Variants in KCNE3 observed in about 807,000 individuals in gnomAD.
The protein encoded by KCNE3 is potassium voltage-gated channel subfamily E regulatory subunit 3.
KCNE3 carries 2 observed loss-of-function variants against 4.3 expected under a neutral mutation model. That is an observed-to-expected ratio of 0.47 (90% CI 0.19 to 1.48). The LOEUF is 1.48. KCNE3 is among the 40% of genes most tolerant of loss of function. The pLI, the probability that KCNE3 is intolerant of heterozygous loss-of-function variation, is 0.25. For missense variants in KCNE3, 128 were observed against 136.8 expected (o/e 0.94, Z 0.32); for synonymous variants, 47 against 52.0 (o/e 0.90, Z 0.41).
intron 2 of KCNE3, among the ~76,000 whole-genome samples, chr11:74,459,751 C>T (rs1863909628): frequency 6.6e-6 from 1 of 152,144 alleles, no homozygotes; most frequent in Admixed American, 6.5e-5. Context: ...TGGCTGTCCT[C>T]TTGTTTTTGA....
intron 2 of KCNE3, among the ~76,000 whole-genome samples, chr11:74,459,118 C>G (rs1033754145): frequency 1.3e-5 from 2 of 152,108 alleles, no homozygotes; most frequent in African/African-American, 4.8e-5. Context: ...TTGGGGTTTA[C>G]CTGCCCACAA....
intron 2 of KCNE3, among the ~76,000 whole-genome samples, chr11:74,461,671 T>A (rs1217843767): frequency 6.6e-6 from 1 of 151,862 alleles, no homozygotes; most frequent in African/African-American, 2.4e-5. Context: ...AGAAAGATGA[T>A]CATCCTTTCC....
chr11:74,465,413 G>T (rs1222010979), intron 1 of KCNE3, among the ~76,000 whole-genome samples: 1 of 152,206 alleles, frequency 6.6e-6, no homozygotes, highest in Non-Finnish European at 1.5e-5. Context: ...TCTCAGTCAG[G>T]TGGGGTGAGT....
chr11:74,460,338 C>T (rs1339730499), intron 2 of KCNE3, among the ~76,000 whole-genome samples: 1 of 152,208 alleles, frequency 6.6e-6, no homozygotes, highest in Non-Finnish European at 1.5e-5. Flanking sequence ...AAATAAATAA[C>T]TCAAAAAATA....
intron 2 of KCNE3, among the ~76,000 whole-genome samples, chr11:74,461,381 G>A (rs183531535): frequency 1.9e-3 from 292 of 151,668 alleles, no homozygotes; most frequent in African/African-American, 6.8e-3. Context: ...CTTTAATCCC[G>A]GTACTTTGGG....
chr11:74,464,616 C>A (rs1375480309), intron 1 of KCNE3, among the ~76,000 whole-genome samples: 3 of 152,172 alleles, frequency 2.0e-5, no homozygotes, highest in African/African-American at 7.2e-5. Context: ...CCAAGGGAAT[C>A]ACCTGCTTAA....
intron 2 of KCNE3, among the ~76,000 whole-genome samples, chr11:74,460,271 A>C (rs1160890801): frequency 6.6e-6 from 1 of 152,210 alleles, no homozygotes; most frequent in Non-Finnish European, 1.5e-5. Context: ...TCAGGCAAGA[A>C]CTCTGTGGCT....
At chr11:74,463,727 C>T (rs1017441479) in intron 1 of KCNE3, among the ~76,000 whole-genome samples, 1 of 152,122 alleles carries the variant, frequency 6.6e-6, no homozygotes, top group Non-Finnish European at 1.5e-5. Context: ...AACTGAGGCT[C>T]AGAAGGGAGA....
At chr11:74,463,520 T>C (rs976365109) in intron 1 of KCNE3, among the ~76,000 whole-genome samples, 4 of 152,084 alleles carry the variant, frequency 2.6e-5, no homozygotes, top group Non-Finnish European at 5.9e-5. Flanking sequence ...CTCCTTGGCT[T>C]CCCTGTCCAG....
Position 74,454,979 on chromosome 11 carries a change from G to A in KCNE3, c.*2273C>T, listed in dbSNP as rs1863777503. ...CACCTTCTCCCTCAAGAAGAGATGA[G>A]GAAGGGCTTGAGCAACAGGGCTCAG... is the stretch of plus-strand genomic sequence containing the variant. On this transcript the variant is annotated 3_prime_UTR_variant, in exon 3 of 3. Coordinates refer to ENST00000310128, the MANE Select transcript of KCNE3 (RefSeq NM_005472.5). 6.6e-6 allele frequency: 1 copy of A among 152,172 alleles called. No individual in the cohort carries two copies. Among genetic ancestry groups the A allele is most frequent in the South Asian group, 2.1e-4 (1 of 4,830 alleles). 9.4% of individuals were successfully genotyped at this position (152,172 alleles called of 1,614,324 possible). A position where few individuals can be genotyped will look rare whatever the true frequency, so the allele number is the denominator to read the frequency against.
At chr11:74,466,368 G>A (rs1008423909) in intron 1 of KCNE3, among the ~76,000 whole-genome samples, 4 of 152,188 alleles carry the variant, frequency 2.6e-5, no homozygotes, top group African/African-American at 9.7e-5. Flanking sequence ...AAGGAGTCAA[G>A]AAAATCTGAA....
In KCNE3 at chr11:74,455,819, C is replaced by T. The variant is rs930530380; in HGVS notation, c.*1433G>A. The T allele has an allele frequency of 6.6e-6, 1 of 151,828 alleles. No individual in the cohort carries two copies. The highest frequency in any genetic ancestry group is 2.4e-5 in the African/African-American group (1 of 41,344). The allele number at this position is 151,828 out of a possible 1,614,324, so 9.4% of individuals were successfully genotyped here. A position where few individuals can be genotyped will look rare whatever the true frequency, so the allele number is the denominator to read the frequency against. ...CTTGGCTTACTGCAACCTCCACCTC[C>T]CGGGTTCAAACAATTCTCCTGCCTC... On this transcript the variant is annotated 3_prime_UTR_variant, in exon 3 of 3. Transcript: ENST00000310128.
rs1294267296 is a variant in KCNE3 at position 74,457,052 on chromosome 11, C to G, written c.*200G>C. The G allele has an allele frequency of 4.9e-6, 3 of 612,288 alleles. No homozygotes were observed. Among genetic ancestry groups the G allele is most frequent in the Non-Finnish European group, 8.7e-6 (3 of 344,978 alleles). 37.9% of individuals were successfully genotyped at this position (612,288 alleles called of 1,614,324 possible). A position where few individuals can be genotyped will look rare whatever the true frequency, so the allele number is the denominator to read the frequency against. On this transcript the variant is annotated 3_prime_UTR_variant, in exon 3 of 3. Transcript: ENST00000310128. ...CACTGTTTATAAAGTCTATCTTTTCCTGGGAAAAAATCCTTATGCACAAGG... is the reference window on the plus strand; with the variant it reads ...CACTGTTTATAAAGTCTATCTTTTCGTGGGAAAAAATCCTTATGCACAAGG...
intron 1 of KCNE3, among the ~76,000 whole-genome samples, chr11:74,465,985 A>C (rs1428443264): frequency 1.3e-5 from 2 of 151,902 alleles, no homozygotes; most frequent in African/African-American, 4.8e-5. Flanking sequence ...ATTCTTCTTG[A>C]TTCCCAGGAA....
At chr11:74,464,763 C>T (rs1864025663) in intron 1 of KCNE3, among the ~76,000 whole-genome samples, 1 of 152,210 alleles carries the variant, frequency 6.6e-6, no homozygotes, top group Non-Finnish European at 1.5e-5. Flanking sequence ...ACTGAAGCTC[C>T]TTGAAATGTG....
At chr11:74,458,065 T>C (rs1417247325) in intron 2 of KCNE3, among the ~76,000 whole-genome samples, 1 of 152,204 alleles carries the variant, frequency 6.6e-6, no homozygotes. Context: ...ACTAATACAA[T>C]AGCTTATTCT....
rs768234105 is a variant in KCNE3, at chr11:74,457,069, T to C, written c.*183A>G. 7.8e-6 allele frequency: 5 copies of C among 638,214 alleles called. No homozygotes were observed. Among genetic ancestry groups the C allele is most frequent in the South Asian group, 1.9e-5 (1 of 53,958 alleles). 39.5% of individuals were successfully genotyped at this position (638,214 alleles called of 1,614,324 possible). A position where few individuals can be genotyped will look rare whatever the true frequency, so the allele number is the denominator to read the frequency against. On this transcript the variant is annotated 3_prime_UTR_variant, in exon 3 of 3. Coordinates refer to ENST00000310128, the MANE Select transcript of KCNE3 (RefSeq NM_005472.5). ...ATCTTTTCCTGGGAAAAAATCCTTATGCACAAGGCTTCGGTCTACCAGCCC... is the reference window on the plus strand; with the variant it reads ...ATCTTTTCCTGGGAAAAAATCCTTACGCACAAGGCTTCGGTCTACCAGCCC...
Position 74,457,293 on chromosome 11 carries a change from G to A in KCNE3, c.271C>T (p.Pro91Ser). 1.2e-6 allele frequency: 2 copies of A among 1,614,066 alleles called. No individual in the cohort carries two copies. Among genetic ancestry groups the A allele is most frequent in the Non-Finnish European group, 1.7e-6 (2 of 1,180,002 alleles). The change falls in exon 3 of 3, where the codon CCC (proline) becomes TCC (serine). Residue 91 changes from proline (P) to serine (S), a missense_variant. By Grantham distance (74) the Pro-to-Ser change is moderately conservative (BLOSUM62 -1). Coordinates refer to ENST00000310128, the MANE Select transcript of KCNE3 (RefSeq NM_005472.5). ...CGGTTCTTGATATACACATGATAGGGGTCACTACGCTTGTCCACTTTGCGG... is the reference window on the plus strand; with the variant it reads ...CGGTTCTTGATATACACATGATAGGAGTCACTACGCTTGTCCACTTTGCGG... ...RSRKVDKRSD[P>S]YHVYIKNRVS...
chr11:74,459,513 C>T (rs1003979665), intron 2 of KCNE3, among the ~76,000 whole-genome samples: 1 of 152,078 alleles, frequency 6.6e-6, no homozygotes, highest in African/African-American at 2.4e-5. Flanking sequence ...TCGCCCACCT[C>T]GGCCTCCCAA....
Sources: allele counts gnomAD v4.1 joint callset (sites outside exome capture counted in the v4.1 genomes callset), GRCh38; gene constraint gnomAD v4.1.1; transcripts MANE v1.5; gene names NCBI Gene and HGNC (gene_info 2026-07-23, HGNC 2026-07-21).